TBCD: variants seen among roughly 807,000 people sequenced by gnomAD.
TBCD encodes tubulin folding cofactor D.
A neutral mutation model predicts 169.3 loss-of-function variants in TBCD; 105 were observed. The observed-to-expected ratio is 0.62, with a 90% CI of 0.53 to 0.73. The LOEUF is 0.73. Among genes scored for constraint, TBCD ranks in the 30% least tolerant of loss-of-function variants. The pLI is 0.00. For synonymous variants in TBCD, 700 were observed against 643.9 expected, an observed-to-expected ratio of 1.09 and a Z score of -1.32; for missense variants, 1,444 against 1,600.1, an observed-to-expected ratio of 0.90 and a Z score of 1.66.
Position 82,887,168 on chromosome 17 carries a change from T to TGTGTGTGTGC in TBCD, c.1534-2499_1534-2498insTGTGTGTGCG. ...GTGTGTGTGTGTGTGTGTGTGTGTG[T>TGTGTGTGTGC]GCGCGCGCGCGCACGTGCGCTCACG... On this transcript the variant is annotated intron_variant, in intron 15 of 38. Coordinates refer to ENST00000355528, the MANE Select transcript of TBCD (RefSeq NM_005993.5). Among the ~76,000 whole-genome samples, 314 of 126,164 alleles carry TGTGTGTGTGC rather than the reference T, an allele frequency of 2.5e-3. 1 individual carries two copies. Among genetic ancestry groups the TGTGTGTGTGC allele is most frequent in the East Asian group, 6.7e-3 (30 of 4,506 alleles). 82.8% of individuals were successfully genotyped at this position (126,164 alleles called of 152,430 possible).
intron 13 of TBCD, among the ~76,000 whole-genome samples, chr17:82,840,953 GGTTTT>G (rs1392576927): frequency 0.049 from 3,421 of 70,370 alleles, 808 homozygotes; most frequent in African/African-American, 0.13. Flanking sequence ...CAGACAAACT[GGTTTT>G]TTTTTTTTTT....
At chr17:82,818,895 C>T (rs925749291) in intron 13 of TBCD, among the ~76,000 whole-genome samples, 10 of 152,146 alleles carry the variant, frequency 6.6e-5, no homozygotes, top group Admixed American at 1.3e-4. Flanking sequence ...GGTGAAACCC[C>T]GTCTCTGCTA....
chr17:82,925,399 G>A (rs549719719), intron 27 of TBCD, among the ~76,000 whole-genome samples: 1 of 152,168 alleles, frequency 6.6e-6, no homozygotes, highest in Non-Finnish European at 1.5e-5. Flanking sequence ...TTTTGGTTGC[G>A]GCCGTGCATC....
chr17:82,898,622 A>C (rs2059658505), intron 17 of TBCD, among the ~76,000 whole-genome samples: 2 of 48,624 alleles, frequency 4.1e-5, no homozygotes, highest in Admixed American at 5.5e-4. Flanking sequence ...TGGTAAGATC[A>C]GTTGCGGTTG....
intron 13 of TBCD, among the ~76,000 whole-genome samples, chr17:82,836,960 A>G (rs1019594919): frequency 2.0e-4 from 31 of 152,232 alleles, no homozygotes; most frequent in African/African-American, 5.8e-4. Flanking sequence ...TTGGAGCTCA[A>G]TTGCTCGAAG....
At position 82,893,606 on chromosome 17, in the gene TBCD, CAG is replaced by C; in HGVS notation, c.1625_1626del (p.Arg542IlefsTer16). The part of the protein sequence containing the change: ...TTADYFAVGN[R>X]SNCFLVISVF... Reference sequence around the variant, plus strand: ...CAGCTGACTATTTTGCCGTCGGTAACAGATCCAACTGTTTCCTGGTTATAAGG... The same window carrying C: ...CAGCTGACTATTTTGCCGTCGGTAACATCCAACTGTTTCCTGGTTATAAGG... On this transcript the variant is annotated frameshift_variant, in exon 17 of 39. Coordinates refer to ENST00000355528, the MANE Select transcript of TBCD (RefSeq NM_005993.5). LOFTEE classifies it high-confidence loss of function. 2 of 1,611,004 alleles carry C rather than the reference CAG, an allele frequency of 1.2e-6. No individual in the cohort carries two copies. Among genetic ancestry groups the C allele is most frequent in the Non-Finnish European group, 1.7e-6 (2 of 1,178,498 alleles).
rs190577628 is a variant in TBCD at position 82,945,209 on chromosome 17, G to C, written c.*2746G>C. On this transcript the variant is annotated 3_prime_UTR_variant, in exon 39 of 39. Transcript: ENST00000355528. Reference sequence around the variant, plus strand: ...TGGATAGCTTAGACACAGCTGAAGAGAGAATTAGAAAACTGGAAGATCTGA... The same window carrying C: ...TGGATAGCTTAGACACAGCTGAAGACAGAATTAGAAAACTGGAAGATCTGA... The C allele has an allele frequency of 5.3e-5, 8 of 152,352 alleles. No individual in the cohort carries two copies. The highest frequency in any genetic ancestry group is 1.9e-4 in the African/African-American group (8 of 41,580). 9.4% of individuals were successfully genotyped at this position (152,352 alleles called of 1,614,324 possible).
At chr17:82,854,129 A>G (rs370282145) in intron 13 of TBCD, among the ~76,000 whole-genome samples, 2 of 152,200 alleles carry the variant, frequency 1.3e-5, no homozygotes, top group Non-Finnish European at 2.9e-5. Context: ...CATATTTGAC[A>G]TTGTTGAGTT....
intron 14 of TBCD, among the ~76,000 whole-genome samples, chr17:82,882,946 G>A (rs570313100): frequency 2.0e-5 from 3 of 152,318 alleles, no homozygotes; most frequent in South Asian, 2.1e-4. Flanking sequence ...CGGTGCCTGC[G>A]CTGCCAGGCT....
intron 13 of TBCD, 28 bp downstream of exon 13, chr17:82,814,962 G>C (rs1049782182): frequency 6.2e-7 from 1 of 1,609,276 alleles, no homozygotes; most frequent in East Asian, 2.2e-5. Context: ...GGTCAGGGGG[G>C]ATGTCTGGCG....
At chr17:82,773,881 C>T (rs548760574) in intron 6 of TBCD, among the ~76,000 whole-genome samples, 50 of 151,970 alleles carry the variant, frequency 3.3e-4, no homozygotes, top group Non-Finnish European at 6.5e-4. Context: ...TGCCCGCCAC[C>T]ATGCTCAGCT....
intron 12 of TBCD, among the ~76,000 whole-genome samples, chr17:82,814,628 G>A (rs1232468964): frequency 6.6e-6 from 1 of 152,230 alleles, no homozygotes; most frequent in African/African-American, 2.4e-5. Flanking sequence ...CGATTCTCCT[G>A]CCTCAGCCTC....
chr17:82,917,693 C>G (rs1174853634), intron 23 of TBCD, among the ~76,000 whole-genome samples: 2 of 152,250 alleles, frequency 1.3e-5, no homozygotes, highest in Non-Finnish European at 2.9e-5. Flanking sequence ...TGGGCTGGCC[C>G]ACGTTTTACA....
At chr17:82,911,865 G>T (rs1008955178) in intron 23 of TBCD, 76 bp downstream of exon 23, 3 of 1,537,546 alleles carry the variant, frequency 2.0e-6, no homozygotes, top group Non-Finnish European at 2.7e-6. Context: ...CTCGTGGCGT[G>T]CAGGGCGGCC....
At chr17:82,779,834 C>T (rs575288789) in intron 6 of TBCD, among the ~76,000 whole-genome samples, 1 of 152,192 alleles carries the variant, frequency 6.6e-6, no homozygotes, top group South Asian at 2.1e-4. Flanking sequence ...CTCACCTTGC[C>T]TGGGGTCTCC....
chr17:82,827,314 C>A (rs1159843110), intron 13 of TBCD, among the ~76,000 whole-genome samples: 1 of 152,196 alleles, frequency 6.6e-6, no homozygotes, highest in African/African-American at 2.4e-5. Context: ...CAGTTCCCAT[C>A]GTAGTGTCCA....
chr17:82,775,093 G>A (rs914202324), intron 6 of TBCD, among the ~76,000 whole-genome samples: 83 of 152,328 alleles, frequency 5.4e-4, no homozygotes, highest in African/African-American at 1.9e-3. Context: ...GGGGTCCTCC[G>A]GGAAAAGAGC....
chr17:82,824,274 C>T (rs1004321937), intron 13 of TBCD, among the ~76,000 whole-genome samples: 2 of 151,952 alleles, frequency 1.3e-5, no homozygotes, highest in East Asian at 3.9e-4. Context: ...CTCCGCCTCC[C>T]AGGTTCACGC....
At chr17:82,866,476 C>A (rs542376717) in intron 13 of TBCD, among the ~76,000 whole-genome samples, 1 of 152,266 alleles carries the variant, frequency 6.6e-6, no homozygotes, top group African/African-American at 2.4e-5. Flanking sequence ...CTAGGACTCC[C>A]GGGGATGCCG....
Sources: gnomAD v4.1 joint callset for allele counts (sites outside exome capture counted in the v4.1 genomes callset) on GRCh38, gnomAD v4.1.1 for gene constraint, MANE v1.5 for transcripts, NCBI Gene and HGNC (gene_info 2026-07-23, HGNC 2026-07-21) for gene names.